Variants in DNAH7 observed in about 807,000 individuals in gnomAD.
DNAH7 encodes the protein dynein axonemal heavy chain 7.
In DNAH7, 397 loss-of-function variants were observed where a neutral mutation model predicts 444.6. The ratio of observed to expected loss-of-function variants is 0.89; its 90% CI spans 0.82 to 0.97. The LOEUF (loss-of-function observed/expected upper bound fraction) is 0.97. DNAH7 is among the 50% of genes least tolerant of loss of function. The pLI is 0.00. For missense variants in DNAH7, 4,902 were observed against 4,800.8 expected, an observed-to-expected ratio of 1.02 and a Z score of -0.62; for synonymous variants, 1,636 against 1,624.4, an observed-to-expected ratio of 1.01 and a Z score of -0.17.
chr2:196,014,964 C>T (rs1328889748), intron 9 of DNAH7, among the ~76,000 whole-genome samples: 1 of 152,092 alleles, frequency 6.6e-6, no homozygotes, highest in Non-Finnish European at 1.5e-5. Context: ...ACTTATTTAA[C>T]TAGTCTATCA....
At chr2:195,835,420 G>A (rs905789631) in intron 47 of DNAH7, among the ~76,000 whole-genome samples, 3 of 150,526 alleles carry the variant, frequency 2.0e-5, no homozygotes, top group African/African-American at 4.9e-5. Flanking sequence ...AAAAAAGGTA[G>A]GGGGATATAA....
chr2:196,060,435 T>C (rs965280737), intron 1 of DNAH7, among the ~76,000 whole-genome samples: 4 of 152,172 alleles, frequency 2.6e-5, no homozygotes, highest in Admixed American at 2.0e-4. Context: ...TCTGCTTATC[T>C]CTGGTGTTGT....
At chr2:196,016,947 G>A (rs539643843) in intron 9 of DNAH7, among the ~76,000 whole-genome samples, 37 of 152,162 alleles carry the variant, frequency 2.4e-4, no homozygotes, top group Non-Finnish European at 3.5e-4. Flanking sequence ...ATATATACAC[G>A]AGATTGAATA....
intron 17 of DNAH7, among the ~76,000 whole-genome samples, chr2:195,968,408 T>C (rs1691624580): frequency 6.6e-6 from 1 of 152,138 alleles, no homozygotes; most frequent in Non-Finnish European, 1.5e-5. Flanking sequence ...TGTCTACATA[T>C]GTCATCTGGG....
chr2:195,822,653 AG>A (rs1697526795), intron 49 of DNAH7, among the ~76,000 whole-genome samples: 1 of 152,188 alleles, frequency 6.6e-6, no homozygotes, highest in East Asian at 1.9e-4. Flanking sequence ...AGGGATCTTA[AG>A]GGTTTTGATA....
intron 61 of DNAH7, among the ~76,000 whole-genome samples, chr2:195,769,980 C>A (rs1694760638): frequency 6.6e-6 from 1 of 152,148 alleles, no homozygotes; most frequent in Admixed American, 6.5e-5. Flanking sequence ...AAATATAATT[C>A]TTGATTTTCT....
intron 21 of DNAH7, among the ~76,000 whole-genome samples, chr2:195,928,282 T>C (rs935047548): frequency 6.6e-6 from 1 of 152,160 alleles, no homozygotes; most frequent in South Asian, 2.1e-4. Flanking sequence ...GCATATCCTA[T>C]ACAACTTCTT....
chr2:195,949,003 C>T (rs1690024325), intron 19 of DNAH7, among the ~76,000 whole-genome samples: 1 of 152,004 alleles, frequency 6.6e-6, no homozygotes, highest in Non-Finnish European at 1.5e-5. Flanking sequence ...TGAAGAGGTC[C>T]TTCACATCCC....
chr2:195,842,786 C>A (rs1174113976), intron 47 of DNAH7, among the ~76,000 whole-genome samples: 1 of 152,056 alleles, frequency 6.6e-6, no homozygotes, highest in Non-Finnish European at 1.5e-5. Flanking sequence ...GCAGATATAT[C>A]CATCAACAGT....
In DNAH7 at chr2:195,831,545, G is replaced by A. The variant is rs530409700; in HGVS notation, c.9100+2661C>T. On this transcript the variant is annotated intron_variant, in intron 48 of 64. Coordinates refer to ENST00000312428, the MANE Select transcript of DNAH7 (RefSeq NM_018897.3). ...ACAGTAACCAATTCTTTTACTTGAT[G>A]GTTAAATATAGAAATAGCTTTAGAA... Among the ~76,000 whole-genome samples the A allele has an allele frequency of 2.2e-4, 33 of 152,284 alleles. No homozygotes were observed. In the South Asian group the frequency reaches 3.3e-3, roughly 15 times the overall value.
chr2:195,755,223 T>C (rs761972341), intron 62 of DNAH7, among the ~76,000 whole-genome samples: 25 of 152,352 alleles, frequency 1.6e-4, no homozygotes, highest in Non-Finnish European at 2.9e-4. Context: ...GAATGTTGCT[T>C]TGGAAGTTTT....
At chr2:195,888,757 C>G in intron 32 of DNAH7, 42 bp downstream of exon 32, 2 of 1,567,598 alleles carry the variant, frequency 1.3e-6, no homozygotes, top group South Asian at 1.2e-5. Context: ...GCATTTATAA[C>G]ATTTTATAAT....
chr2:196,068,030 GGAGA>G (rs1294557681), intron 1 of DNAH7, among the ~76,000 whole-genome samples: 1 of 151,834 alleles, frequency 6.6e-6, no homozygotes, highest in Non-Finnish European at 1.5e-5. Flanking sequence ...AGAAGAAAAA[GGAGA>G]GAAAGACAGA....
chr2:195,884,108 T>A lies in DNAH7; in HGVS notation c.5763+477A>T, dbSNP rs141357263. Reference sequence around the variant, plus strand: ...TTCCTAAACTTGGTCCTCAGTACAATACTTGTGGGTGGGAGTTGTTATACA... The same window carrying A: ...TTCCTAAACTTGGTCCTCAGTACAAAACTTGTGGGTGGGAGTTGTTATACA... On this transcript the variant is annotated intron_variant, in intron 35 of 64. Transcript: ENST00000312428. Among the ~76,000 whole-genome samples the A allele has an allele frequency of 3.2e-3, 484 of 152,338 alleles. 3 individuals carry two copies. Among genetic ancestry groups the A allele is most frequent in the Non-Finnish European group, 5.8e-3 (396 of 68,032 alleles).
At chr2:195,871,135 G>A (rs1428951556) in intron 40 of DNAH7, among the ~76,000 whole-genome samples, 4 of 152,102 alleles carry the variant, frequency 2.6e-5, no homozygotes, top group Non-Finnish European at 5.9e-5. Flanking sequence ...CAAGTGGAAC[G>A]GATCTTCACG....
intron 5 of DNAH7, among the ~76,000 whole-genome samples, chr2:196,043,663 C>T (rs1006189262): frequency 6.6e-6 from 1 of 151,738 alleles, no homozygotes; most frequent in Non-Finnish European, 1.5e-5. Flanking sequence ...AACTATGCAT[C>T]TGACAGAGGA....
chr2:195,906,698 AG>A lies in DNAH7; in HGVS notation c.4295del (p.Pro1432LeufsTer13). On this transcript the variant is annotated frameshift_variant, in exon 27 of 65. Coordinates refer to ENST00000312428, the MANE Select transcript of DNAH7 (RefSeq NM_018897.3). LOFTEE classifies it high-confidence loss of function. ...PTCAVFITMN[P>X]GYAGRSELPD... ...GCAGTTCTGATCGCCCAGCATACCCAGGGTTCATTGTTATAAAGACAGCACA... is the reference window on the plus strand; with the variant it reads ...GCAGTTCTGATCGCCCAGCATACCCAGGTTCATTGTTATAAAGACAGCACA... 3 of 1,613,392 alleles carry A rather than the reference AG, an allele frequency of 1.9e-6. No individual in the cohort carries two copies. The highest frequency in any genetic ancestry group is 2.5e-6 in the Non-Finnish European group (3 of 1,179,538).
intron 35 of DNAH7, among the ~76,000 whole-genome samples, chr2:195,884,302 A>C (rs185719785): frequency 2.5e-4 from 38 of 152,350 alleles, no homozygotes; most frequent in African/African-American, 7.9e-4. Flanking sequence ...ATTCTATTTA[A>C]TGAGTGCAAC....
chr2:195,976,307 TGTG>T (rs1041121389), intron 15 of DNAH7, among the ~76,000 whole-genome samples: 3 of 152,084 alleles, frequency 2.0e-5, no homozygotes, highest in African/African-American at 7.2e-5. Flanking sequence ...CCCAAGGACC[TGTG>T]GTGGTGGTGG....
Sources: gnomAD v4.1 joint callset for allele counts (sites outside exome capture counted in the v4.1 genomes callset) on GRCh38, gnomAD v4.1.1 for gene constraint, MANE v1.5 for transcripts, NCBI Gene and HGNC (gene_info 2026-07-23, HGNC 2026-07-21) for gene names.